HSPBAP1: variants seen among roughly 807,000 people sequenced by gnomAD.
The protein encoded by HSPBAP1 is HSPB1 associated protein 1.
In HSPBAP1, 27 loss-of-function variants were observed where a neutral mutation model predicts 45.2. That is an observed-to-expected ratio of 0.60 (90% CI 0.44 to 0.82). The LOEUF (loss-of-function observed/expected upper bound fraction) is 0.82. HSPBAP1 is among the 40% of genes least tolerant of loss of function. The pLI is 0.00. For synonymous variants in HSPBAP1, 204 were observed against 202.7 expected, an observed-to-expected ratio of 1.01 and a Z score of -0.06; for missense variants, 510 against 590.9, an observed-to-expected ratio of 0.86 and a Z score of 1.42.
At chr3:122,781,088 G>A (rs1450703533) in intron 1 of HSPBAP1, among the ~76,000 whole-genome samples, 2 of 151,446 alleles carry the variant, frequency 1.3e-5, no homozygotes, top group African/African-American at 2.4e-5. Context: ...GCCGGGCAGA[G>A]GGGCTCCTCA....
At position 122,740,466 on chromosome 3, in the gene HSPBAP1, G is replaced by A; in HGVS notation, c.1346C>T (p.Ala449Val). 3 of 1,613,968 alleles carry A rather than the reference G, an allele frequency of 1.9e-6. No individual in the cohort carries two copies. The highest frequency in any genetic ancestry group is 2.5e-6 in the Non-Finnish European group (3 of 1,179,878). ...NSENAIEEQI[A>V]SNTTTTPQTF... ...TTGAGGAGTCGTAGTAGTATTTGAG[G>A]CAATCTGTTCCTCAATTGCATTTTC... The change falls in exon 8 of 8, where the codon GCC (alanine) becomes GTC (valine). Residue 449 changes from alanine to valine, a missense_variant. Coordinates refer to ENST00000306103, the MANE Select transcript of HSPBAP1 (RefSeq NM_024610.6).
chr3:122,789,580 C>A (rs189913937), intron 1 of HSPBAP1, among the ~76,000 whole-genome samples: 12 of 152,338 alleles, frequency 7.9e-5, no homozygotes, highest in Admixed American at 7.8e-4. Context: ...TTACTTTTAT[C>A]TCCCTAGAGG....
At chr3:122,784,490 C>T (rs912140062) in intron 1 of HSPBAP1, among the ~76,000 whole-genome samples, 1 of 152,136 alleles carries the variant, frequency 6.6e-6, no homozygotes, top group Admixed American at 6.5e-5. Flanking sequence ...AAGGCAATCC[C>T]ATAGTATACT....
intron 3 of HSPBAP1, among the ~76,000 whole-genome samples, chr3:122,760,563 C>G (rs1432609024): frequency 6.7e-6 from 1 of 149,672 alleles, no homozygotes; most frequent in Admixed American, 6.6e-5. Flanking sequence ...TTCATTTTTG[C>G]TTTGAGTGAT....
chr3:122,741,629 A>C (rs1307506797), intron 6 of HSPBAP1: 5 of 153,376 alleles, frequency 3.3e-5, no homozygotes, highest in African/African-American at 1.2e-4. Flanking sequence ...TTACGAAAAA[A>C]CACCACAAAG....
intron 1 of HSPBAP1, among the ~76,000 whole-genome samples, chr3:122,791,914 TTAGAGGGGC>T: frequency 6.6e-6 from 1 of 152,058 alleles, no homozygotes; most frequent in East Asian, 1.9e-4. Context: ...GGAGAAGGGA[TTAGAGGGGC>T]ACAGAATAGA....
intron 6 of HSPBAP1, among the ~76,000 whole-genome samples, chr3:122,742,464 G>A (rs1933702933): frequency 6.6e-6 from 1 of 152,132 alleles, no homozygotes; most frequent in African/African-American, 2.4e-5. Context: ...CATTGCTGGT[G>A]GGAATGTAAA....
At chr3:122,747,465 C>T (rs1242693237) in intron 6 of HSPBAP1, among the ~76,000 whole-genome samples, 13 of 151,780 alleles carry the variant, frequency 8.6e-5, no homozygotes, top group Non-Finnish European at 1.5e-4. Context: ...CCCGGCCAGC[C>T]GCCCTGTCTG....
At position 122,759,195 on chromosome 3, in the gene HSPBAP1, ACACACACAC is replaced by A. The variant is rs753940193; in HGVS notation, c.569+20_569+28del. 3.2e-6 allele frequency: 5 copies of A among 1,555,274 alleles called. No individual in the cohort carries two copies. Among genetic ancestry groups the A allele is most frequent in the Non-Finnish European group, 4.4e-6 (5 of 1,139,770 alleles). On this transcript the variant is annotated intron_variant, in intron 4 of 7. Transcript: ENST00000306103. The stretch of plus-strand genomic sequence containing the variant: ...ATGCACATGTGCGTTCCACACACAC[ACACACACAC>A]ACACACACACACACATTACCTTCCT...
rs528707410 is a variant in HSPBAP1, at chr3:122,740,718, A to G, written c.1094T>C (p.Met365Thr). 2 of 1,613,948 alleles carry G rather than the reference A, an allele frequency of 1.2e-6. No individual in the cohort carries two copies. Among genetic ancestry groups the G allele is most frequent in the African/African-American group, 2.7e-5 (2 of 74,916 alleles). Residue 365 changes from methionine (M) to threonine (T), a missense_variant, in exon 8 of 8, where the codon ATG (methionine) becomes ACG (threonine). Coordinates refer to ENST00000306103, the MANE Select transcript of HSPBAP1 (RefSeq NM_024610.6). Reference protein sequence around the residue: ...KKEELNVCNHMEVGQTGSQNL... With the variant: ...KKEELNVCNHTEVGQTGSQNL... The stretch of plus-strand genomic sequence containing the variant: ...CTGGCTACCTGTTTGGCCCACCTCC[A>G]TGTGGTTGCACACATTTAATTCTTC...
chr3:122,778,275 T>G (rs1187192071), intron 1 of HSPBAP1, among the ~76,000 whole-genome samples: 1 of 150,984 alleles, frequency 6.6e-6, no homozygotes, highest in Non-Finnish European at 1.5e-5. Context: ...AAATTATGAT[T>G]TAACTTATTA....
rs142849147 is a variant in HSPBAP1 at position 122,773,692 on chromosome 3, C to T, written c.250+4029G>A. 5.5e-3 allele frequency among the ~76,000 whole-genome samples: 841 copies of T among 152,240 alleles called. 10 individuals carry two copies. The highest frequency in any genetic ancestry group is 0.02 in the African/African-American group (813 of 41,542). On this transcript the variant is annotated intron_variant, in intron 2 of 7. Transcript: ENST00000306103. ...TCATTCTGTCTCCCAGGCTTGAGTG[C>T]AGTAGCATGATCACAGCTGACTGCA... is the stretch of plus-strand genomic sequence containing the variant.
chr3:122,772,219 T>C (rs1935027484), intron 2 of HSPBAP1, among the ~76,000 whole-genome samples: 1 of 152,168 alleles, frequency 6.6e-6, no homozygotes, highest in Non-Finnish European at 1.5e-5. Context: ...ATTATAACAA[T>C]GGGATTAATT....
At chr3:122,779,714 C>T (rs572128057) in intron 1 of HSPBAP1, among the ~76,000 whole-genome samples, 4,819 of 149,060 alleles carry the variant, frequency 0.032, 177 homozygotes, top group Middle Eastern at 0.076. Flanking sequence ...TGACTCTTAA[C>T]GAGCATGCTG....
chr3:122,792,762 T>G (rs191743378), intron 1 of HSPBAP1, among the ~76,000 whole-genome samples: 5 of 152,070 alleles, frequency 3.3e-5, no homozygotes, highest in African/African-American at 1.2e-4. Context: ...TCCCAGCTGC[T>G]TGGGACGCTG....
intron 6 of HSPBAP1, among the ~76,000 whole-genome samples, chr3:122,748,139 A>C: frequency 6.6e-6 from 1 of 152,208 alleles, no homozygotes; most frequent in Non-Finnish European, 1.5e-5. Flanking sequence ...AAATGGATTA[A>C]GGGTGGTGCA....
chr3:122,758,670 G>A, intron 4 of HSPBAP1: 1 of 450,056 alleles, frequency 2.2e-6, no homozygotes, highest in Non-Finnish European at 4.4e-6. Flanking sequence ...ACTTTGAGAG[G>A]CCAAGGCAGG....
intron 1 of HSPBAP1, among the ~76,000 whole-genome samples, chr3:122,789,237 A>G (rs1242143877): frequency 6.6e-6 from 1 of 152,078 alleles, no homozygotes; most frequent in Non-Finnish European, 1.5e-5. Flanking sequence ...ATACAACTCT[A>G]GATGAGATAT....
At chr3:122,780,295 A>C (rs1253384745) in intron 1 of HSPBAP1, among the ~76,000 whole-genome samples, 6 of 44,580 alleles carry the variant, frequency 1.3e-4, no homozygotes, top group Admixed American at 2.2e-4. Context: ...TGACCCCCCC[A>C]CCTCCCTCCC....
Sources: gnomAD v4.1 joint callset for allele counts (sites outside exome capture counted in the v4.1 genomes callset) on GRCh38, gnomAD v4.1.1 for gene constraint, MANE v1.5 for transcripts, NCBI Gene and HGNC (gene_info 2026-07-23, HGNC 2026-07-21) for gene names.